RPS24: variants seen among roughly 807,000 people sequenced by gnomAD.
RPS24 encodes small ribosomal subunit protein eS24.
For synonymous variants in RPS24, 72 were observed against 55.6 expected (o/e 1.30, Z -1.31); for missense variants, 100 against 162.5 (o/e 0.62, Z 2.09).
At chr10:78,049,810 G>T (rs1287090625) in intron 4 of RPS24, among the ~76,000 whole-genome samples, 2 of 152,180 alleles carry the variant, frequency 1.3e-5, no homozygotes, top group Non-Finnish European at 2.9e-5. Flanking sequence ...TGTTTTTTCT[G>T]CTCCTCTTCC....
At chr10:78,034,934 C>T (rs1490096701) in intron 1 of RPS24, among the ~76,000 whole-genome samples, 3 of 152,174 alleles carry the variant, frequency 2.0e-5, no homozygotes, top group African/African-American at 7.2e-5. Flanking sequence ...AGTCTGGAGA[C>T]ATTTTTGATT....
chr10:78,035,797 A>C (rs1305401015), intron 3 of RPS24, 77 bp downstream of exon 3: 18 of 1,223,234 alleles, frequency 1.5e-5, no homozygotes, highest in Non-Finnish European at 1.3e-5. Context: ...GTGTGGTAAA[A>C]AGGGCAAGAC....
At chr10:78,055,280 T>A in exon 5 of RPS24, 1 of 382,336 alleles carries the variant, frequency 2.6e-6, no homozygotes, top group Middle Eastern at 6.8e-4. Context: ...TTCCTAGTTT[T>A]AATTTTTCCT....
downstream of RPS24, chr10:78,040,697 A>ATG (rs1189711051): frequency 6.8e-6 from 11 of 1,611,478 alleles, no homozygotes; most frequent in Non-Finnish European, 9.3e-6. Flanking sequence ...TAAAAACTTC[A>ATG]TGTGTCTGGT....
intron 3 of RPS24, chr10:78,036,576 T>G (rs907083163): frequency 6.5e-6 from 1 of 154,156 alleles, no homozygotes; most frequent in African/African-American, 2.4e-5. Flanking sequence ...AATGTTGGGA[T>G]TACAGGTGTG....
chr10:78,046,555 A>G (rs1848045651), intron 4 of RPS24, among the ~76,000 whole-genome samples: 1 of 151,870 alleles, frequency 6.6e-6, no homozygotes, highest in South Asian at 2.1e-4. Context: ...GGGTTTCTCC[A>G]TGTTGGCCAG....
intron 4 of RPS24, among the ~76,000 whole-genome samples, chr10:78,050,327 A>T (rs1018749954): frequency 1.3e-5 from 2 of 152,136 alleles, no homozygotes; most frequent in Non-Finnish European, 2.9e-5. Flanking sequence ...CTGTCAGCTC[A>T]TGGAGCCCAC....
downstream of RPS24, among the ~76,000 whole-genome samples, chr10:78,044,136 C>T (rs140188959): frequency 1.7e-4 from 26 of 150,272 alleles, no homozygotes; most frequent in East Asian, 2.6e-3. Flanking sequence ...ATAGGGTTTG[C>T]GGTTTCAGGC....
chr10:78,040,158 T>A (rs1191688998), intron 4 of RPS24, 46 bp from the exon 5 acceptor site: 2 of 1,595,774 alleles, frequency 1.3e-6, no homozygotes, highest in Non-Finnish European at 1.7e-6. Context: ...AATGAAATCT[T>A]TCTTTTCCCT....
At chr10:78,049,786 C>T (rs764872448) in intron 4 of RPS24, among the ~76,000 whole-genome samples, 30 of 152,224 alleles carry the variant, frequency 2.0e-4, no homozygotes, top group Non-Finnish European at 4.1e-4. Flanking sequence ...AAAGGCCAGA[C>T]CAGAAGTCAC....
intron 3 of RPS24, 152 bp downstream of exon 3, chr10:78,035,872 T>TAAAA: frequency 1.4e-6 from 1 of 725,646 alleles, no homozygotes; most frequent in South Asian, 1.5e-5. Context: ...AATGCACAGG[T>TAAAA]GGAGTACGGG....
Position 78,034,953 on chromosome 10 carries a change from T to C in RPS24, c.4-399T>C, listed in dbSNP as rs116932615. The stretch of plus-strand genomic sequence containing the variant: ...TGGAGACATTTTTGATTGTCACAAC[T>C]GGGAAAGGTGGGAAGTGCTTCCGGC... On this transcript the variant is annotated intron_variant, in intron 1 of 5. Transcript: ENST00000372360. Among the ~76,000 whole-genome samples, 1,207 of 152,306 alleles carry C rather than the reference T, an allele frequency of 7.9e-3. 10 individuals are homozygous for C. The highest frequency in any genetic ancestry group is 0.01 in the Non-Finnish European group (699 of 68,028).
At chr10:78,054,644 A>T (rs1589337474) in exon 5 of RPS24, 1 of 1,551,736 alleles carries the variant, frequency 6.4e-7, no homozygotes. Context: ...TGTGGCAGGT[A>T]GAAGTGCCAG....
chr10:78,035,341 T>C lies in RPS24; in HGVS notation c.4-11T>C, dbSNP rs372414860. The C allele has an allele frequency of 1.4e-4, 223 of 1,613,728 alleles. No homozygotes were observed. Among genetic ancestry groups the C allele is most frequent in the Non-Finnish European group, 1.8e-4 (215 of 1,179,758 alleles). On this transcript the variant is annotated splice_polypyrimidine_tract_variant and intron_variant, in intron 1 of 5. Coordinates refer to ENST00000372360, the MANE Select transcript of RPS24 (RefSeq NM_033022.4). ...GAGTAGTTTTATTAACCAGAGTGTT[T>C]ATGTTTTCAGAACGACACCGTAACT...
At chr10:78,034,016 C>T (rs1847800427) in intron 1 of RPS24, 112 bp downstream of exon 1, 1 of 1,350,510 alleles carries the variant, frequency 7.4e-7, no homozygotes. Context: ...TCTTCTCTGG[C>T]CGTTTCTGTC....
intron 4 of RPS24, chr10:78,049,058 C>T (rs190522665): frequency 6.6e-6 from 1 of 152,106 alleles, no homozygotes; most frequent in Non-Finnish European, 1.5e-5. Context: ...GCTGCTTTTT[C>T]TTCTGTTTAT....
chr10:78,038,086 C>A, intron 4 of RPS24: 2 of 621,486 alleles, frequency 3.2e-6, no homozygotes, highest in Non-Finnish European at 5.0e-6. Flanking sequence ...ATAGTATGGT[C>A]GATTATAATG....
chr10:78,035,437 T>C lies in RPS24; in HGVS notation c.69+20T>C. On this transcript the variant is annotated intron_variant, in intron 2 of 5. Coordinates refer to ENST00000372360, the MANE Select transcript of RPS24 (RefSeq NM_033022.4). ...CAAATGGTAAGGAAGGGCACATCAA[T>C]CTTTGCTTAATTGTCCTTTACTCTA... 6.2e-7 allele frequency: 1 copy of C among 1,613,774 alleles called. No homozygotes were observed. Among genetic ancestry groups the C allele is most frequent in the Non-Finnish European group, 8.5e-7 (1 of 1,179,604 alleles).
chr10:78,040,450 A>C (rs925090166), intron 5 of RPS24, 165 bp from the exon 6 acceptor site: 6 of 729,896 alleles, frequency 8.2e-6, no homozygotes, highest in Non-Finnish European at 1.4e-5. Flanking sequence ...AATGTTTGTA[A>C]ATTTTATTTC....
Sources: gnomAD v4.1 joint callset for allele counts (sites outside exome capture counted in the v4.1 genomes callset) on GRCh38, gnomAD v4.1.1 for gene constraint, MANE v1.5 for transcripts, NCBI Gene and HGNC (gene_info 2026-07-23, HGNC 2026-07-21) for gene names.